PCDHA5: variants seen among roughly 807,000 people sequenced by gnomAD.
PCDHA5 encodes the protein protocadherin alpha-5.
In PCDHA5, 43 loss-of-function variants were observed where a neutral mutation model predicts 61.6. The ratio of observed to expected loss-of-function variants is 0.70; its 90% confidence interval spans 0.55 to 0.90. The LOEUF is 0.90. Ranked by LOEUF, PCDHA5 falls within the 40% of genes least tolerant of loss-of-function variation. The pLI is 0.00. For missense variants in PCDHA5, 1,298 were observed against 1,222.7 expected, an observed-to-expected ratio of 1.06 and a Z score of -0.92; for synonymous variants, 627 against 543.9, an observed-to-expected ratio of 1.15 and a Z score of -2.13.
intron 1 of PCDHA5, among the ~76,000 whole-genome samples, chr5:140,906,677 A>C (rs1239152358): frequency 6.6e-6 from 1 of 152,134 alleles, no homozygotes; most frequent in Admixed American, 6.5e-5. Context: ...CCAAACCTTC[A>C]TTCCTGAAGG....
intron 3 of PCDHA5, among the ~76,000 whole-genome samples, chr5:141,004,659 G>C (rs1012907350): frequency 1.3e-5 from 2 of 152,182 alleles, no homozygotes; most frequent in Admixed American, 1.3e-4. Context: ...GGCTCTGAGG[G>C]CAACTAAAGG....
chr5:140,879,468 C>T (rs1302590030), intron 1 of PCDHA5, among the ~76,000 whole-genome samples: 2 of 152,006 alleles, frequency 1.3e-5, no homozygotes, highest in African/African-American at 4.8e-5. Context: ...AAGAGAATAC[C>T]GTTGTGATTG....
At position 140,836,827 on chromosome 5, in the gene PCDHA5, G is replaced by T; in HGVS notation, c.2352+12700G>T. The T allele has an allele frequency of 4.1e-6, 4 of 968,068 alleles. No individual in the cohort carries two copies. In the South Asian group the frequency reaches 7.2e-5, roughly 17 times the overall value. 60.0% of individuals were successfully genotyped at this position (968,068 alleles called of 1,614,324 possible). A position where few individuals can be genotyped will look rare whatever the true frequency, so the allele number is the denominator to read the frequency against. On this transcript the variant is annotated intron_variant, in intron 1 of 3. Transcript: ENST00000529859. ...ATTTTCTTTCATAATTTCTTTTTTA[G>T]TTGATAGCTTTATGTATAATTATTA...
At position 140,823,008 on chromosome 5, in the gene PCDHA5, C is replaced by T. The variant is rs146843767; in HGVS notation, c.1233C>T (p.Ala411=). 1.9e-4 allele frequency: 303 copies of T among 1,614,232 alleles called. 1 individual carries two copies. The African/African-American group carries it at 3.5e-3, about 18-fold the overall frequency. The change falls in exon 1 of 4, where the codon GCC becomes GCT. Residue 411 remains alanine (A), a synonymous_variant. Coordinates refer to ENST00000529859, the MANE Select transcript of PCDHA5 (RefSeq NM_018908.3). ...KNYYSLVLDS[A]LDRESVSVYE... is the part of the protein sequence containing the mutation. ...ACTACTCGTTGGTGCTGGACAGCGCCCTGGACCGCGAGAGCGTGTCGGTCT... is the reference window on the plus strand; with the variant it reads ...ACTACTCGTTGGTGCTGGACAGCGCTCTGGACCGCGAGAGCGTGTCGGTCT...
At chr5:140,913,759 G>A (rs782668286) in intron 1 of PCDHA5, among the ~76,000 whole-genome samples, 1 of 151,994 alleles carries the variant, frequency 6.6e-6, no homozygotes, top group African/African-American at 2.4e-5. Context: ...GTATCTCATA[G>A]GTTTTGGCAT....
intron 1 of PCDHA5, among the ~76,000 whole-genome samples, chr5:140,872,146 T>C (rs1554166047): frequency 6.6e-6 from 1 of 152,134 alleles, no homozygotes; most frequent in African/African-American, 2.4e-5. Context: ...ACTCCATTAG[T>C]ATGACATGAT....
At chr5:140,969,279 A>G (rs782221973) in intron 1 of PCDHA5, 3 of 1,614,244 alleles carry the variant, frequency 1.9e-6, no homozygotes, top group East Asian at 2.2e-5. Flanking sequence ...CAAAGTGGTC[A>G]GAATGCTGGG....
chr5:140,862,618 C>A (rs532330556), intron 1 of PCDHA5: 10 of 526,556 alleles, frequency 1.9e-5, no homozygotes, highest in South Asian at 1.3e-4. Flanking sequence ...AGGTAACAAC[C>A]CGCGGGGCTG....
intron 1 of PCDHA5, among the ~76,000 whole-genome samples, chr5:140,947,317 G>A (rs1456422381): frequency 2.0e-5 from 3 of 151,480 alleles, no homozygotes; most frequent in Non-Finnish European, 4.4e-5. Flanking sequence ...TAAAAAGTCG[G>A]TTGACCATAA....
At chr5:140,836,457 G>C (rs2150261358) in intron 1 of PCDHA5, 2 of 1,613,694 alleles carry the variant, frequency 1.2e-6, no homozygotes, top group Non-Finnish European at 1.7e-6. Context: ...CCCAGAGACC[G>C]AGCTGGTGGA....
At position 140,842,810 on chromosome 5, in the gene PCDHA5, C is replaced by A. The variant is rs1346749991; in HGVS notation, c.2352+18683C>A. The A allele has an allele frequency of 1.9e-6, 3 of 1,594,008 alleles. 1 individual carries two copies. Among genetic ancestry groups the A allele is most frequent in the Non-Finnish European group, 2.6e-6 (3 of 1,165,400 alleles). ...GCTGGTGTCCTACTCGCTTGTGGAG[C>A]GGCGGGTGGGCGAGCGCTCGCTGTC... On this transcript the variant is annotated intron_variant, in intron 1 of 3. Transcript: ENST00000529859.
At chr5:140,928,220 C>G in intron 1 of PCDHA5, 1 of 1,614,166 alleles carries the variant, frequency 6.2e-7, no homozygotes. Context: ...GACAATACAC[C>G]AAACTTTCCT....
chr5:140,836,382 G>C (rs2150259409), intron 1 of PCDHA5: 27 of 1,613,752 alleles, frequency 1.7e-5, no homozygotes, highest in Non-Finnish European at 2.1e-5. Flanking sequence ...CACCGTGCTG[G>C]TGTCGCTGGT....
At chr5:140,889,144 A>G (rs2062119546) in intron 1 of PCDHA5, among the ~76,000 whole-genome samples, 1 of 151,794 alleles carries the variant, frequency 6.6e-6, no homozygotes, top group African/African-American at 2.4e-5. Flanking sequence ...TTTTCTTCCT[A>G]ATTTCTTCTT....
intron 1 of PCDHA5, among the ~76,000 whole-genome samples, chr5:140,944,291 G>T (rs155813): frequency 6.6e-6 from 1 of 151,928 alleles, no homozygotes; most frequent in African/African-American, 2.4e-5. Flanking sequence ...GGGCTCAAGC[G>T]ATCCTCCTAC....
At position 140,829,130 on chromosome 5, in the gene PCDHA5, G is replaced by T. The variant is rs2150162751; in HGVS notation, c.2352+5003G>T. 5 of 1,612,440 alleles carry T rather than the reference G, an allele frequency of 3.1e-6. No homozygotes were observed. The African/African-American group carries it at 6.7e-5, about 22-fold the overall frequency. On this transcript the variant is annotated intron_variant, in intron 1 of 3. Transcript: ENST00000529859. ...GAGAATTTTGGATAAAAATGATAAC[G>T]TCCCTGAGATAGCACTGACTTCCTT...
rs2150492739 is a variant in PCDHA5 at position 140,850,664 on chromosome 5, C to G, written c.2352+26537C>G. On this transcript the variant is annotated intron_variant, in intron 1 of 3. Coordinates refer to ENST00000529859, the MANE Select transcript of PCDHA5 (RefSeq NM_018908.3). Reference sequence around the variant, plus strand: ...TGCTGCTGTACACTGTGCTGCGGTGCTCGGCGATGCCCACCGAGGGCGAGT... The same window carrying G: ...TGCTGCTGTACACTGTGCTGCGGTGGTCGGCGATGCCCACCGAGGGCGAGT... 4.4e-6 allele frequency: 7 copies of G among 1,598,280 alleles called. No individual in the cohort carries two copies. In the African/African-American group the frequency reaches 9.4e-5, roughly 22 times the overall value.
At chr5:140,851,660 T>G in intron 1 of PCDHA5, 1 of 914,450 alleles carries the variant, frequency 1.1e-6, no homozygotes, top group African/African-American at 1.8e-5. Flanking sequence ...GACATTCTCC[T>G]TTTAATTGAA....
intron 1 of PCDHA5, chr5:140,883,308 C>A: frequency 6.2e-7 from 1 of 1,614,102 alleles, no homozygotes; most frequent in Non-Finnish European, 8.5e-7. Context: ...AATGATAACG[C>A]CCCAGAGGTT....
Sources: gnomAD v4.1 joint callset for allele counts (sites outside exome capture counted in the v4.1 genomes callset) on GRCh38, gnomAD v4.1.1 for gene constraint, MANE v1.5 for transcripts, NCBI Gene and HGNC (gene_info 2026-07-23, HGNC 2026-07-21) for gene names.